JMY: variants seen among roughly 807,000 people sequenced by gnomAD.
JMY encodes the protein junction-mediating and -regulatory protein.
JMY carries 46 observed loss-of-function variants against 103.3 expected under a neutral mutation model. The observed-to-expected ratio is 0.45, with a 90% CI of 0.35 to 0.57. The LOEUF (loss-of-function observed/expected upper bound fraction) is 0.57. Among genes scored for constraint, JMY ranks in the 20% least tolerant of loss-of-function variants. The pLI is 0.00. For missense variants in JMY, 1,238 were observed against 1,255.2 expected (o/e 0.99, Z 0.21); for synonymous variants, 526 against 489.3 (o/e 1.07, Z -0.99).
intron 1 of JMY, among the ~76,000 whole-genome samples, chr5:79,259,245 C>T (rs1352472014): frequency 6.6e-6 from 1 of 152,146 alleles, no homozygotes; most frequent in Non-Finnish European, 1.5e-5. Flanking sequence ...CTGGTCGTCT[C>T]TTCAGCCCTC....
chr5:79,252,192 T>G (rs1396136880), intron 1 of JMY, among the ~76,000 whole-genome samples: 1 of 152,170 alleles, frequency 6.6e-6, no homozygotes, highest in Non-Finnish European at 1.5e-5. Flanking sequence ...TTTAATAAAT[T>G]TTCCTTCTTA....
At chr5:79,265,512 C>T (rs1464339992) in intron 1 of JMY, among the ~76,000 whole-genome samples, 3 of 151,914 alleles carry the variant, frequency 2.0e-5, no homozygotes, top group Non-Finnish European at 2.9e-5. Flanking sequence ...GGTCCCAGAC[C>T]ATACTTTGAG....
chr5:79,326,891 A>G lies in JMY; in HGVS notation c.*5289A>G, dbSNP rs951482947. On this transcript the variant is annotated 3_prime_UTR_variant, in exon 11 of 11. Coordinates refer to ENST00000396137, the MANE Select transcript of JMY (RefSeq NM_152405.5). The stretch of plus-strand genomic sequence containing the variant: ...AAATGCCAACTCTTGCAAATTTACA[A>G]TACTTAAATATGTTCAATTAACATC... 2.0e-5 allele frequency: 3 copies of G among 152,194 alleles called. No individual in the cohort carries two copies. Among genetic ancestry groups the G allele is most frequent in the African/African-American group, 4.8e-5 (2 of 41,460 alleles). 9.4% of individuals were successfully genotyped at this position (152,194 alleles called of 1,614,324 possible). A position where few individuals can be genotyped will look rare whatever the true frequency, so the allele number is the denominator to read the frequency against.
chr5:79,251,875 A>G (rs1745097155), intron 1 of JMY, among the ~76,000 whole-genome samples: 2 of 152,096 alleles, frequency 1.3e-5, no homozygotes, highest in Admixed American at 1.3e-4. Flanking sequence ...CCTGGATTCA[A>G]GCGATTCTTC....
intron 1 of JMY, among the ~76,000 whole-genome samples, chr5:79,253,258 A>T (rs1036492427): frequency 2.6e-5 from 4 of 151,692 alleles, no homozygotes; most frequent in Non-Finnish European, 5.9e-5. Context: ...ATCTTATTGT[A>T]AGTTGTCTAA....
rs1242798957 is a variant in JMY at position 79,323,703 on chromosome 5, T to TATC, written c.*2102_*2104dup. ...TTAACCAGAAACCCTGGAACATTCA[T>TATC]ATCTTGAGAGGGAATTTGCTACTCT... On this transcript the variant is annotated 3_prime_UTR_variant, in exon 11 of 11. Transcript: ENST00000396137. 3 of 152,180 alleles carry TATC rather than the reference T, an allele frequency of 2.0e-5. No homozygotes were observed. Among genetic ancestry groups the TATC allele is most frequent in the Middle Eastern group, 3.2e-3 (1 of 316 alleles). 9.4% of individuals were successfully genotyped at this position (152,180 alleles called of 1,614,324 possible).
At chr5:79,321,062 C>T (rs910416707) in intron 10 of JMY, among the ~76,000 whole-genome samples, 1 of 152,202 alleles carries the variant, frequency 6.6e-6, no homozygotes, top group African/African-American at 2.4e-5. Context: ...CATGTAGCTA[C>T]AGTATTAGAA....
chr5:79,236,672 A>T lies in JMY; in HGVS notation c.22A>T (p.Thr8Ser). 6.8e-7 allele frequency: 1 copy of T among 1,470,650 alleles called. No homozygotes were observed. 91.1% of individuals were successfully genotyped at this position (1,470,650 alleles called of 1,614,324 possible). The change falls in exon 1 of 11, where the codon ACG (threonine) becomes TCG (serine). Residue 8 changes from threonine (T) to serine (S), a missense_variant. Coordinates refer to ENST00000396137, the MANE Select transcript of JMY (RefSeq NM_152405.5). ...CACCATGTCGTTCGCGCTGGAGGAG[A>T]CGCTCGAGTCGGACTGGGTGGCTGT... The part of the protein sequence containing the change: MSFALEE[T>S]LESDWVAVRP...
At chr5:79,270,387 A>ATAAAATATATATTTACATAAATATT (rs1561297591) in intron 1 of JMY, among the ~76,000 whole-genome samples, 4 of 115,076 alleles carry the variant, frequency 3.5e-5, no homozygotes, top group South Asian at 2.6e-4. Flanking sequence ...AAATATTTAC[A>ATAAAATATATATTTACATAAATATT]TAAAATATAT....
Position 79,300,176 on chromosome 5 carries a change from A to G in JMY, c.1551A>G (p.Thr517=). 1 of 1,613,596 alleles carries G rather than the reference A, an allele frequency of 6.2e-7. No individual in the cohort carries two copies. The highest frequency in any genetic ancestry group is 8.5e-7 in the Non-Finnish European group (1 of 1,179,758). Residue 517 remains threonine (T), a synonymous_variant, in exon 5 of 11, where the codon ACA becomes ACG. Coordinates refer to ENST00000396137, the MANE Select transcript of JMY (RefSeq NM_152405.5). Reference sequence around the variant, plus strand: ...AGATGCAGAGTTTGCGGGGTGGTACAGAAGCGATAGCACGATTGGATCAGT... The same window carrying G: ...AGATGCAGAGTTTGCGGGGTGGTACGGAAGCGATAGCACGATTGGATCAGT... ...KEEMQSLRGG[T]EAIARLDQLE...
intron 1 of JMY, among the ~76,000 whole-genome samples, chr5:79,257,018 T>A (rs890161809): frequency 2.6e-5 from 4 of 152,042 alleles, no homozygotes; most frequent in African/African-American, 9.7e-5. Context: ...CTGCCTTTTT[T>A]TTTTGGTTAA....
At chr5:79,268,807 AT>A (rs1281166567) in intron 1 of JMY, among the ~76,000 whole-genome samples, 1 of 152,074 alleles carries the variant, frequency 6.6e-6, no homozygotes, top group Non-Finnish European at 1.5e-5. Flanking sequence ...TCACATGCTT[AT>A]TTGTCATCTG....
chr5:79,318,479 C>T (rs555987352), intron 10 of JMY, among the ~76,000 whole-genome samples: 6 of 152,198 alleles, frequency 3.9e-5, no homozygotes, highest in African/African-American at 1.4e-4. Flanking sequence ...GCAGTTTCAC[C>T]TGTTCCTTTG....
chr5:79,253,957 T>G (rs1745164777), intron 1 of JMY, among the ~76,000 whole-genome samples: 1 of 149,226 alleles, frequency 6.7e-6, no homozygotes, highest in Non-Finnish European at 1.5e-5. Context: ...TTTTTTTTTT[T>G]TTTTTTTAAA....
intron 4 of JMY, among the ~76,000 whole-genome samples, chr5:79,297,787 T>C (rs1019164143): frequency 6.6e-6 from 1 of 152,182 alleles, no homozygotes; most frequent in African/African-American, 2.4e-5. Context: ...GTTTTGGTTA[T>C]CTTTAGACCA....
rs1201473953 is a variant in JMY at position 79,289,054 on chromosome 5, A to G, written c.1207-1067A>G. Among the ~76,000 whole-genome samples the G allele has an allele frequency of 2.6e-5, 4 of 151,802 alleles. No individual in the cohort carries two copies. The South Asian group carries it at 6.3e-4, about 24-fold the overall frequency. ...GTTCGAGACCAGGCTGGCCAACATG[A>G]CAAAACCCCATCTATAATAAAAATA... On this transcript the variant is annotated intron_variant, in intron 2 of 10. Transcript: ENST00000396137.
intron 1 of JMY, among the ~76,000 whole-genome samples, chr5:79,242,020 T>A (rs919085486): frequency 6.6e-6 from 1 of 152,222 alleles, no homozygotes; most frequent in South Asian, 2.1e-4. Context: ...CTCAAGATGA[T>A]TAACTGTGGT....
chr5:79,265,490 A>C (rs1186468048), intron 1 of JMY, among the ~76,000 whole-genome samples: 1 of 152,274 alleles, frequency 6.6e-6, no homozygotes, highest in Non-Finnish European at 1.5e-5. Context: ...CCTAGGTGAC[A>C]CCAATGTTGC....
intron 1 of JMY, among the ~76,000 whole-genome samples, chr5:79,251,665 C>G (rs1460410919): frequency 4.6e-5 from 7 of 151,928 alleles, no homozygotes. Context: ...CCACCTCCCC[C>G]TCAACTTCCT....
Sources: allele counts gnomAD v4.1 joint callset (sites outside exome capture counted in the v4.1 genomes callset), GRCh38; gene constraint gnomAD v4.1.1; transcripts MANE v1.5; gene names NCBI Gene and HGNC (gene_info 2026-07-23, HGNC 2026-07-21).